NAA11: variants seen among roughly 807,000 people sequenced by gnomAD.
NAA11 encodes the protein N-alpha-acetyltransferase 11.
Under a neutral mutation model 16.1 loss-of-function variants are expected in NAA11, and 15 were observed. That is an observed-to-expected ratio of 0.93 (90% CI 0.62 to 1.44). The LOEUF is 1.44. Ranked by LOEUF, NAA11 falls within the 40% of genes most tolerant of loss-of-function variation. NAA11 has a pLI of 0.00. For missense variants in NAA11, 298 were observed against 291.3 expected, an observed-to-expected ratio of 1.02 and a Z score of -0.17; for synonymous variants, 122 against 112.4, an observed-to-expected ratio of 1.09 and a Z score of -0.54.
chr4:79,174,624 TG>T, the NAA11 span, among the ~76,000 whole-genome samples: 2 of 152,282 alleles, frequency 1.3e-5, no homozygotes, highest in African/African-American at 4.8e-5. Flanking sequence ...GAGTTACAAC[TG>T]GATGCATCAG....
the NAA11 span, among the ~76,000 whole-genome samples, chr4:79,173,361 T>C: frequency 6.6e-6 from 1 of 152,076 alleles, no homozygotes; most frequent in Non-Finnish European, 1.5e-5. Context: ...TGGCACCACA[T>C]TTTATACTCA....
the NAA11 span, among the ~76,000 whole-genome samples, chr4:79,170,975 G>C: frequency 6.6e-6 from 1 of 151,970 alleles, no homozygotes; most frequent in Non-Finnish European, 1.5e-5. Flanking sequence ...AGCTATGAAA[G>C]ATTCTTTTAG....
chr4:79,202,621 T>A, the NAA11 span, among the ~76,000 whole-genome samples: 1 of 11,946 alleles, frequency 8.4e-5, no homozygotes, highest in Non-Finnish European at 4.1e-4. Flanking sequence ...TTATATATAG[T>A]TTTATATATA....
the NAA11 span, among the ~76,000 whole-genome samples, chr4:79,193,696 T>C: frequency 6.6e-6 from 1 of 152,130 alleles, no homozygotes; most frequent in African/African-American, 2.4e-5. Flanking sequence ...TTAGGATTGA[T>C]TTGGCAATGC....
the NAA11 span, among the ~76,000 whole-genome samples, chr4:79,218,745 A>G: frequency 5.9e-5 from 9 of 152,208 alleles, no homozygotes; most frequent in African/African-American, 2.2e-4. Flanking sequence ...GTGTAATTGA[A>G]TAAAATCAAC....
intron 2 of NAA11, among the ~76,000 whole-genome samples, chr4:79,235,063 C>T (rs1484041245): frequency 1.3e-5 from 2 of 152,092 alleles, no homozygotes; most frequent in Non-Finnish European, 2.9e-5. Flanking sequence ...TGGGAGGATA[C>T]CAGAAGCTGA....
rs937774536 is a variant in NAA11 at position 79,325,534 on chromosome 4, T to C, written c.344A>G (p.Asn115Ser). 1.2e-6 allele frequency: 2 copies of C among 1,614,164 alleles called. No individual in the cohort carries two copies. Among genetic ancestry groups the C allele is most frequent in the Admixed American group, 1.7e-5 (1 of 60,034 alleles). ...KYVSLHVRKS[N>S]RPALHLYSNT... Reference sequence around the variant, plus strand: ...AGAATAAAGGTGCAAGGCTGGCCGGTTACTCTTCCTGACGTGCAGAGACAC... The same window carrying C: ...AGAATAAAGGTGCAAGGCTGGCCGGCTACTCTTCCTGACGTGCAGAGACAC... The change falls in exon 1 of 2, where the codon AAC becomes AGC. Residue 115 changes from asparagine to serine, a missense_variant. Transcript: ENST00000286794.
At chr4:79,178,168 G>A in the NAA11 span, among the ~76,000 whole-genome samples, 50 of 152,266 alleles carry the variant, frequency 3.3e-4, no homozygotes, top group East Asian at 8.3e-3. Flanking sequence ...TTTGACTAGA[G>A]ACAAAGTCTG....
chr4:79,292,672 A>C (rs1017235160), intron 2 of NAA11, among the ~76,000 whole-genome samples: 1 of 152,220 alleles, frequency 6.6e-6, no homozygotes, highest in African/African-American at 2.4e-5. Context: ...TCCAGATGGG[A>C]ATTAGAAAGC....
At chr4:79,189,419 A>G in the NAA11 span, among the ~76,000 whole-genome samples, 1 of 152,174 alleles carries the variant, frequency 6.6e-6, no homozygotes, top group Admixed American at 6.5e-5. Flanking sequence ...AAGACAATTT[A>G]AAAAGCTATT....
At chr4:79,325,128 T>C in intron 1 of NAA11, 48 bp downstream of exon 1, 1 of 1,468,768 alleles carries the variant, frequency 6.8e-7, no homozygotes, top group East Asian at 2.4e-5. Context: ...CAAGGCAGGA[T>C]GCAGGGATTT....
intron 2 of NAA11, among the ~76,000 whole-genome samples, chr4:79,292,544 C>T (rs536785637): frequency 2.3e-4 from 35 of 152,280 alleles, no homozygotes; most frequent in South Asian, 1.0e-3. Flanking sequence ...CTTATGATTG[C>T]GTATAAAGTA....
At chr4:79,278,451 T>C (rs1467335631) in intron 2 of NAA11, among the ~76,000 whole-genome samples, 2 of 152,142 alleles carry the variant, frequency 1.3e-5, no homozygotes, top group Middle Eastern at 3.2e-3. Context: ...TTGAAAATTT[T>C]TCCCTAAACT....
At chr4:79,261,129 T>C (rs926306879) in intron 2 of NAA11, among the ~76,000 whole-genome samples, 12 of 152,202 alleles carry the variant, frequency 7.9e-5, no homozygotes. Context: ...CATTAAGACA[T>C]TTGAGGATGC....
chr4:79,164,565 A>C, the NAA11 span, among the ~76,000 whole-genome samples: 1 of 152,322 alleles, frequency 6.6e-6, no homozygotes, highest in African/African-American at 2.4e-5. Context: ...TAAAGAACAC[A>C]AAATCTCCTT....
intron 2 of NAA11, among the ~76,000 whole-genome samples, chr4:79,236,099 A>G (rs1721563461): frequency 2.6e-5 from 4 of 152,154 alleles, no homozygotes; most frequent in Admixed American, 2.6e-4. Flanking sequence ...GGTTAATTTT[A>G]TAACCTACTT....
chr4:79,215,848 A>G, the NAA11 span, among the ~76,000 whole-genome samples: 1 of 152,372 alleles, frequency 6.6e-6, no homozygotes, highest in Non-Finnish European at 1.5e-5. Flanking sequence ...ATGAATACAT[A>G]CAAATTAGAA....
the NAA11 span, among the ~76,000 whole-genome samples, chr4:79,183,378 G>T: frequency 6.6e-6 from 1 of 152,092 alleles, no homozygotes; most frequent in Non-Finnish European, 1.5e-5. Context: ...GCTTGCTATT[G>T]AGGTGGCAAA....
At chr4:79,286,810 A>G (rs1722949603) in intron 2 of NAA11, among the ~76,000 whole-genome samples, 1 of 152,070 alleles carries the variant, frequency 6.6e-6, no homozygotes, top group South Asian at 2.1e-4. Context: ...ATTATTTTGG[A>G]CTGGGTTGTT....
Sources: gnomAD v4.1 joint callset for allele counts (sites outside exome capture counted in the v4.1 genomes callset) on GRCh38, gnomAD v4.1.1 for gene constraint, MANE v1.5 for transcripts, NCBI Gene and HGNC (gene_info 2026-07-23, HGNC 2026-07-21) for gene names.